USP32: variants seen among roughly 807,000 people sequenced by gnomAD.
The protein encoded by USP32 is ubiquitin carboxyl-terminal hydrolase 32.
USP32 carries 59 observed loss-of-function variants against 204.8 expected under a neutral mutation model. The ratio of observed to expected loss-of-function variants is 0.29; its 90% CI spans 0.23 to 0.36. The LOEUF (loss-of-function observed/expected upper bound fraction) is 0.36, where lower values mean the gene tolerates loss of function less well. USP32 is among the 10% of genes least tolerant of loss of function. The pLI is 1.00. For synonymous variants in USP32, 517 were observed against 678.4 expected, an observed-to-expected ratio of 0.76 and a Z score of 3.70; for missense variants, 1,160 against 1,946.4, an observed-to-expected ratio of 0.60 and a Z score of 7.60.
chr17:60,277,579 T>C (rs2086869687), intron 5 of USP32, among the ~76,000 whole-genome samples: 1 of 152,240 alleles, frequency 6.6e-6, no homozygotes, highest in Non-Finnish European at 1.5e-5. Context: ...TAAGGGACCA[T>C]AATAATATAC....
intron 7 of USP32, among the ~76,000 whole-genome samples, chr17:60,268,580 C>CTCAAAAAA (rs2086654929): frequency 9.8e-6 from 1 of 102,386 alleles, no homozygotes; most frequent in Non-Finnish European, 1.8e-5. Context: ...AAGACCCTGT[C>CTCAAAAAA]TCAAAAAAAA....
At chr17:60,294,113 C>T (rs756670921) in intron 4 of USP32, among the ~76,000 whole-genome samples, 5 of 152,086 alleles carry the variant, frequency 3.3e-5, no homozygotes, top group African/African-American at 4.8e-5. Flanking sequence ...GCTACATTGT[C>T]CAGGCTGGTC....
intron 2 of USP32, among the ~76,000 whole-genome samples, chr17:60,327,476 G>A (rs966094749): frequency 3.9e-5 from 6 of 152,128 alleles, no homozygotes; most frequent in Non-Finnish European, 8.8e-5. Flanking sequence ...GCGGGACCCA[G>A]GGACAAGCGG....
chr17:60,388,075 C>T (rs1256946827), intron 1 of USP32, among the ~76,000 whole-genome samples: 1 of 152,002 alleles, frequency 6.6e-6, no homozygotes, highest in Admixed American at 6.6e-5. Flanking sequence ...AATTCATACC[C>T]AGCCTTCAGT....
At chr17:60,380,401 T>C (rs1364599663) in intron 1 of USP32, among the ~76,000 whole-genome samples, 1 of 152,026 alleles carries the variant, frequency 6.6e-6, no homozygotes, top group Non-Finnish European at 1.5e-5. Context: ...ACCCCGTCTC[T>C]ACAAAAAAAC....
chr17:60,182,815 C>T (rs2084147471), intron 31 of USP32, among the ~76,000 whole-genome samples: 1 of 152,020 alleles, frequency 6.6e-6, no homozygotes, highest in South Asian at 2.1e-4. Context: ...AGTTTTGATC[C>T]TCTAGACCCC....
chr17:60,331,836 C>T (rs907581636), intron 2 of USP32, among the ~76,000 whole-genome samples: 1 of 149,222 alleles, frequency 6.7e-6, no homozygotes, highest in African/African-American at 2.5e-5. Flanking sequence ...GAGGTCAACG[C>T]TGCAGTGAGC....
intron 2 of USP32, among the ~76,000 whole-genome samples, chr17:60,324,283 A>AAT (rs138904415): frequency 0.13 from 18,971 of 146,338 alleles, 2,361 homozygotes; most frequent in African/African-American, 0.33. Flanking sequence ...CCGTGTTTCA[A>AAT]ATATATATAT....
intron 1 of USP32, among the ~76,000 whole-genome samples, chr17:60,368,564 G>A (rs935070326): frequency 2.6e-5 from 4 of 151,906 alleles, no homozygotes; most frequent in Admixed American, 2.0e-4. Context: ...TTTAAACTGA[G>A]GTCCTAGTGA....
intron 2 of USP32, among the ~76,000 whole-genome samples, chr17:60,321,799 A>T (rs2088118501): frequency 6.6e-6 from 1 of 152,160 alleles, no homozygotes; most frequent in Non-Finnish European, 1.5e-5. Context: ...CTCTTTTAAC[A>T]GTGACCATTC....
chr17:60,189,101 G>A (rs2084317214), intron 29 of USP32, among the ~76,000 whole-genome samples: 1 of 152,272 alleles, frequency 6.6e-6, no homozygotes, highest in Non-Finnish European at 1.5e-5. Context: ...GTCAGATTTT[G>A]TGCTGACAAA....
chr17:60,289,057 G>A (rs2087197720), intron 4 of USP32, among the ~76,000 whole-genome samples: 1 of 152,220 alleles, frequency 6.6e-6, no homozygotes, highest in Non-Finnish European at 1.5e-5. Context: ...GCCCAGGCTG[G>A]AGTGCAGTGG....
chr17:60,208,492 A>G (rs2084886571), intron 23 of USP32, among the ~76,000 whole-genome samples, 162 bp downstream of exon 23: 2 of 152,206 alleles, frequency 1.3e-5, no homozygotes, highest in Admixed American at 1.3e-4. Context: ...CCCAGTCTAC[A>G]TCTTTCAAAC....
At position 60,236,244 on chromosome 17, in the gene USP32, T is replaced by C. The variant is rs772878813; in HGVS notation, c.1137-4A>G. 1.2e-6 allele frequency: 2 copies of C among 1,612,332 alleles called. No homozygotes were observed. Among genetic ancestry groups the C allele is most frequent in the Non-Finnish European group, 1.7e-6 (2 of 1,178,724 alleles). ...GCTCTCTCGTTCTAACCATCCTCTG[T>C]ATGTACAAAAGAAATTAAATACATC... is the stretch of plus-strand genomic sequence containing the variant. On this transcript the variant is annotated splice_polypyrimidine_tract_variant and splice_region_variant and intron_variant, in intron 11 of 33. Transcript: ENST00000300896.
At chr17:60,249,849 T>C in intron 11 of USP32, 1 of 615,612 alleles carries the variant, frequency 1.6e-6, no homozygotes, top group Non-Finnish European at 2.9e-6. Flanking sequence ...GAAATCACGA[T>C]ACTTTTTTTT....
intron 5 of USP32, among the ~76,000 whole-genome samples, chr17:60,286,960 C>G (rs1036269256): frequency 6.6e-6 from 1 of 152,206 alleles, no homozygotes. Context: ...CCAGCCTGGC[C>G]AACATGGTGA....
In USP32 at chr17:60,201,689, C is replaced by T. The variant is rs1288645428; in HGVS notation, c.3250-3245G>A. 1.1e-4 allele frequency among the ~76,000 whole-genome samples: 17 copies of T among 148,786 alleles called. No homozygotes were observed. In the East Asian group the frequency reaches 1.6e-3, roughly 14 times the overall value. On this transcript the variant is annotated intron_variant, in intron 26 of 33. Coordinates refer to ENST00000300896, the MANE Select transcript of USP32 (RefSeq NM_032582.4). ...TTTTTTTTTTTTTGAGACGGAGTCT[C>T]GCTCTGTTGCCCAGGCTGGAATGCA...
intron 2 of USP32, among the ~76,000 whole-genome samples, chr17:60,326,502 T>C (rs563910658): frequency 6.6e-6 from 1 of 152,140 alleles, no homozygotes; most frequent in East Asian, 1.9e-4. Flanking sequence ...GTAGGGACTG[T>C]TGGCCAGGCT....
In USP32 at chr17:60,391,947, T is replaced by G; in HGVS notation, c.-8A>C. On this transcript the variant is annotated 5_prime_UTR_variant, in exon 1 of 34. Transcript: ENST00000300896. ...TGACTCCTTGGCACCCATGCTCCCC[T>G]CATCCCCTCGGCGGGGGGTCGGAGC... 6.2e-7 allele frequency: 1 copy of G among 1,608,860 alleles called. No homozygotes were observed. Among genetic ancestry groups the G allele is most frequent in the Non-Finnish European group, 8.5e-7 (1 of 1,178,160 alleles).
Sources: allele counts gnomAD v4.1 joint callset (sites outside exome capture counted in the v4.1 genomes callset), GRCh38; gene constraint gnomAD v4.1.1; transcripts MANE v1.5; gene names NCBI Gene and HGNC (gene_info 2026-07-23, HGNC 2026-07-21).